Variants in SNX13 observed in about 807,000 individuals in gnomAD.
SNX13 encodes the protein sorting nexin 13.
Under a neutral mutation model 133.6 loss-of-function variants are expected in SNX13, and 45 were observed. That is an observed-to-expected ratio of 0.34 (90% CI 0.27 to 0.43). SNX13 has a LOEUF of 0.43. Ranked by LOEUF, SNX13 falls within the 20% of genes least tolerant of loss-of-function variation. The pLI is 1.00. For synonymous variants in SNX13, 414 were observed against 373.9 expected (o/e 1.11, Z -1.24); for missense variants, 1,032 against 1,145.1 (o/e 0.90, Z 1.43).
rs1206729020 is a variant in SNX13, at chr7:17,792,082, C to A, written c.*1963G>T. On this transcript the variant is annotated 3_prime_UTR_variant, in exon 26 of 26. Coordinates refer to ENST00000428135, the MANE Select transcript of SNX13 (RefSeq NM_015132.5). ...CACATTATATAGAAATGCTTTTTCACATGTACACGTTAGGGTCTTACATGA... is the reference window on the plus strand; with the variant it reads ...CACATTATATAGAAATGCTTTTTCAAATGTACACGTTAGGGTCTTACATGA... 2 of 152,012 alleles carry A rather than the reference C, an allele frequency of 1.3e-5. No homozygotes were observed. The highest frequency in any genetic ancestry group is 2.9e-5 in the Non-Finnish European group (2 of 67,932). The allele number at this position is 152,012 out of a possible 1,614,324, so 9.4% of individuals were successfully genotyped here. A position where few individuals can be genotyped will look rare whatever the true frequency, so the allele number is the denominator to read the frequency against.
intron 18 of SNX13, among the ~76,000 whole-genome samples, chr7:17,821,233 C>T (rs984027356): frequency 6.6e-5 from 10 of 152,150 alleles, no homozygotes; most frequent in Admixed American, 2.0e-4. Context: ...AATACACACA[C>T]GCAAATTTTA....
At chr7:17,823,343 C>T (rs1326097816) in intron 17 of SNX13, among the ~76,000 whole-genome samples, 2 of 152,120 alleles carry the variant, frequency 1.3e-5, no homozygotes, top group Admixed American at 6.6e-5. Flanking sequence ...TAATGGATTA[C>T]GTTTATTCAT....
intron 1 of SNX13, among the ~76,000 whole-genome samples, chr7:17,912,765 C>A (rs982467345): frequency 6.6e-6 from 1 of 152,264 alleles, no homozygotes; most frequent in Admixed American, 6.5e-5. Context: ...TGTTTGGCAA[C>A]CTGGCAGCAG....
chr7:17,935,549 C>A (rs1801918212), intron 1 of SNX13, among the ~76,000 whole-genome samples: 2 of 152,164 alleles, frequency 1.3e-5, no homozygotes, highest in South Asian at 4.1e-4. Flanking sequence ...CTTAATCATT[C>A]CACATTGTAC....
chr7:17,811,167 G>A (rs186531097), intron 20 of SNX13, among the ~76,000 whole-genome samples: 1 of 152,294 alleles, frequency 6.6e-6, no homozygotes, highest in East Asian at 1.9e-4. Context: ...TCGGGCAAGA[G>A]AAAGAAAGAA....
At chr7:17,828,784 T>G (rs1788177062) in intron 16 of SNX13, among the ~76,000 whole-genome samples, 1 of 151,596 alleles carries the variant, frequency 6.6e-6, no homozygotes. Flanking sequence ...GAAAAGCATT[T>G]ATTCCAGACA....
At chr7:17,833,411 G>A (rs1788748683) in intron 15 of SNX13, among the ~76,000 whole-genome samples, 1 of 151,622 alleles carries the variant, frequency 6.6e-6, no homozygotes, top group Admixed American at 6.6e-5. Context: ...AGAAAAATGA[G>A]GCTTGAAGAA....
intron 1 of SNX13, among the ~76,000 whole-genome samples, chr7:17,937,452 TG>T (rs1441707857): frequency 5.4e-5 from 8 of 147,478 alleles, no homozygotes; most frequent in African/African-American, 2.0e-4. Flanking sequence ...AGGCGGAGGT[TG>T]CAGTGAGCCA....
chr7:17,804,770 A>C (rs775993315), intron 20 of SNX13, among the ~76,000 whole-genome samples: 1 of 152,144 alleles, frequency 6.6e-6, no homozygotes, highest in Non-Finnish European at 1.5e-5. Context: ...CATAAAAGCT[A>C]CCAGTGAAAA....
chr7:17,824,942 G>A (rs1181590379), intron 17 of SNX13, among the ~76,000 whole-genome samples: 1 of 151,778 alleles, frequency 6.6e-6, no homozygotes, highest in Non-Finnish European at 1.5e-5. Context: ...GCTAATTTTT[G>A]TATTTTTAGT....
chr7:17,823,251 G>C lies in SNX13; in HGVS notation c.1706-1603C>G, dbSNP rs28464096. On this transcript the variant is annotated intron_variant, in intron 17 of 25. Transcript: ENST00000428135. ...AGCTATACTTATAATATTGTTTTTAGCCTTTCTATGCGTGGAAGGCATGAT... is the reference window on the plus strand; with the variant it reads ...AGCTATACTTATAATATTGTTTTTACCCTTTCTATGCGTGGAAGGCATGAT... Among the ~76,000 whole-genome samples, 582 of 152,116 alleles carry C rather than the reference G, an allele frequency of 3.8e-3. 3 individuals carry two copies. Among genetic ancestry groups the C allele is most frequent in the African/African-American group, 0.012 (478 of 41,502 alleles).
At chr7:17,929,721 T>G (rs183068108) in intron 1 of SNX13, among the ~76,000 whole-genome samples, 1 of 152,200 alleles carries the variant, frequency 6.6e-6, no homozygotes, top group African/African-American at 2.4e-5. Context: ...TTCCTTTTCA[T>G]TTCATCTACA....
chr7:17,856,591 A>T (rs1018776976), intron 9 of SNX13, among the ~76,000 whole-genome samples: 3 of 151,976 alleles, frequency 2.0e-5, no homozygotes, highest in Non-Finnish European at 4.4e-5. Context: ...CAGAAGTTTA[A>T]GACCAGCTGG....
intron 24 of SNX13, among the ~76,000 whole-genome samples, chr7:17,797,244 C>G (rs1395993264): frequency 6.6e-6 from 1 of 151,804 alleles, no homozygotes; most frequent in African/African-American, 2.4e-5. Context: ...CATTTAAACT[C>G]AAAGTGGGCA....
At chr7:17,796,769 C>T (rs1195419608) in intron 25 of SNX13, 58 bp downstream of exon 25, 6 of 1,298,834 alleles carry the variant, frequency 4.6e-6, no homozygotes, top group Middle Eastern at 1.8e-4. Flanking sequence ...ATGATGAATG[C>T]TAAAAACTCA....
chr7:17,911,840 A>G (rs1799020298), intron 1 of SNX13, among the ~76,000 whole-genome samples: 1 of 151,784 alleles, frequency 6.6e-6, no homozygotes, highest in South Asian at 2.1e-4. Context: ...ATTTTTTTAA[A>G]AAGAGAGAGA....
chr7:17,841,827 C>T (rs1314453709), intron 12 of SNX13, among the ~76,000 whole-genome samples: 1 of 151,412 alleles, frequency 6.6e-6, no homozygotes, highest in East Asian at 1.9e-4. Context: ...CTAGAAGAAA[C>T]CAAAATAAAA....
chr7:17,875,357 T>G (rs1794601279), intron 7 of SNX13, 123 bp downstream of exon 7: 1 of 657,998 alleles, frequency 1.5e-6, no homozygotes, highest in East Asian at 2.8e-5. Context: ...ATAAAATGAA[T>G]AGCATCTTTA....
At chr7:17,879,523 A>T (rs1211736325) in intron 5 of SNX13, 1 of 152,250 alleles carries the variant, frequency 6.6e-6, no homozygotes, top group African/African-American at 2.4e-5. Flanking sequence ...AACAGGAGGC[A>T]CAAACAACAA....
Sources: gnomAD v4.1 joint callset for allele counts (sites outside exome capture counted in the v4.1 genomes callset) on GRCh38, gnomAD v4.1.1 for gene constraint, MANE v1.5 for transcripts, NCBI Gene and HGNC (gene_info 2026-07-23, HGNC 2026-07-21) for gene names.